CCNG2: variants seen among roughly 807,000 people sequenced by gnomAD.
CCNG2 encodes cyclin G2, also known as cyclin-G2.
A neutral mutation model predicts 36.5 loss-of-function variants in CCNG2; 20 were observed. The ratio of observed to expected loss-of-function variants is 0.55; its 90% CI spans 0.39 to 0.80. The LOEUF (loss-of-function observed/expected upper bound fraction) is 0.80. Among genes scored for constraint, CCNG2 ranks in the 30% least tolerant of loss-of-function variants. The pLI is 0.00. For missense variants in CCNG2, 358 were observed against 390.8 expected, an observed-to-expected ratio of 0.92 and a Z score of 0.71; for synonymous variants, 155 against 140.1, an observed-to-expected ratio of 1.11 and a Z score of -0.75.
At chr4:77,159,273 T>C in intron 2 of CCNG2, 94 bp from the exon 3 acceptor site, 1 of 1,210,318 alleles carries the variant, frequency 8.3e-7, no homozygotes. Context: ...AACCTTATTC[T>C]TGGGAAAAAA....
In CCNG2 at chr4:77,158,598, C is replaced by T. The variant is rs1227309549; in HGVS notation, c.66C>T (p.Asn22=). The T allele has an allele frequency of 1.9e-6, 3 of 1,613,978 alleles. No homozygotes were observed. Among genetic ancestry groups the T allele is most frequent in the African/African-American group, 2.7e-5 (2 of 74,888 alleles). The stretch of plus-strand genomic sequence containing the variant: ...GGGTCCAACTTCTCGGGTTGTTGAA[C>T]GTCTACCTGGAACAAGAAGAGAGAT... ...HEGVQLLGLL[N]VYLEQEERFQ... Residue 22 remains asparagine, a synonymous_variant, in exon 2 of 8, where the codon AAC becomes AAT. Transcript: ENST00000316355.
Position 77,161,522 on chromosome 4 carries a change from A to C in CCNG2, c.570A>C (p.Lys190Asn), listed in dbSNP as rs1731436427. ...TTGATAAACTAGAAGCTCAGCTGAA[A>C]GCTTGCAACTGCCGACTCATCTTTT... ...LSLDKLEAQL[K>N]ACNCRLIFSK... Residue 190 changes from lysine (K) to asparagine (N), a missense_variant, in exon 5 of 8, where the codon AAA becomes AAC. Physicochemically the swap from Lys to Asn is moderately conservative, Grantham distance 94 (BLOSUM62 0). Coordinates refer to ENST00000316355, the MANE Select transcript of CCNG2 (RefSeq NM_004354.3). 1.2e-6 allele frequency: 2 copies of C among 1,612,346 alleles called. No homozygotes were observed. The highest frequency in any genetic ancestry group is 2.2e-5 in the South Asian group (2 of 90,662).
chr4:77,169,888 AATAG>A lies in CCNG2; in HGVS notation c.*3968_*3971del, dbSNP rs1180838395. 2.0e-5 allele frequency: 3 copies of A among 152,234 alleles called. No homozygotes were observed. The highest frequency in any genetic ancestry group is 2.1e-4 in the South Asian group (1 of 4,836). 9.4% of individuals were successfully genotyped at this position (152,234 alleles called of 1,614,324 possible). Reference sequence around the variant, plus strand: ...TTTTGGGGGAGGGTTGTTAAACAGTAATAGATAAGTGAGACAGATTGCTTGTTAT... The same window carrying A: ...TTTTGGGGGAGGGTTGTTAAACAGTAATAAGTGAGACAGATTGCTTGTTAT... On this transcript the variant is annotated 3_prime_UTR_variant, in exon 8 of 8. Transcript: ENST00000316355.
At position 77,169,703 on chromosome 4, in the gene CCNG2, T is replaced by C. The variant is rs1009079788; in HGVS notation, c.*3779T>C. The C allele has an allele frequency of 6.6e-5, 10 of 152,238 alleles. No individual in the cohort carries two copies. The highest frequency in any genetic ancestry group is 2.4e-4 in the African/African-American group (10 of 41,466). 9.4% of individuals were successfully genotyped at this position (152,238 alleles called of 1,614,324 possible). On this transcript the variant is annotated 3_prime_UTR_variant, in exon 8 of 8. Coordinates refer to ENST00000316355, the MANE Select transcript of CCNG2 (RefSeq NM_004354.3). ...TGAGAGGCCATGTGGAGAGAGACTC[T>C]TGAGGATGAGAGATTATCTTGGATG...
chr4:77,161,646 C>G lies in CCNG2; in HGVS notation c.607-3C>G. On this transcript the variant is annotated splice_polypyrimidine_tract_variant and splice_region_variant and intron_variant, in intron 5 of 7. Coordinates refer to ENST00000316355, the MANE Select transcript of CCNG2 (RefSeq NM_004354.3). ...TTTTTCTTTTTTTTCTTTTTTCTTACAGCCATCTGTATTAGCCTTGTGCCT... is the reference window on the plus strand; with the variant it reads ...TTTTTCTTTTTTTTCTTTTTTCTTAGAGCCATCTGTATTAGCCTTGTGCCT... The G allele has an allele frequency of 6.3e-7, 1 of 1,579,856 alleles. No individual in the cohort carries two copies. Among genetic ancestry groups the G allele is most frequent in the Non-Finnish European group, 8.6e-7 (1 of 1,165,166 alleles).
chr4:77,165,874 A>G lies in CCNG2; in HGVS notation c.985A>G (p.Thr329Ala), dbSNP rs1394851206. The G allele has an allele frequency of 6.2e-7, 1 of 1,611,790 alleles. No individual in the cohort carries two copies. The highest frequency in any genetic ancestry group is 1.3e-5 in the African/African-American group (1 of 74,816). ...CTCTCCTCCCAGTGATCAAGAGTGC[A>G]CCTTCTTTTTCAACTTCAAAGTGGC... ...SSSPPSDQEC[T>A]FFFNFKVAQT... Residue 329 changes from threonine (T) to alanine (A), a missense_variant, in exon 8 of 8, where the codon ACC becomes GCC. Transcript: ENST00000316355.
In CCNG2 at chr4:77,160,554, C is replaced by T. The variant is rs551853550; in HGVS notation, c.277-167C>T. Among the ~76,000 whole-genome samples the T allele has an allele frequency of 1.5e-3, 207 of 142,478 alleles. 6 individuals carry two copies. The highest frequency in any genetic ancestry group is 5.5e-3 in the African/African-American group (199 of 36,456). The allele number at this position is 142,478 out of a possible 152,430, so 93.5% of individuals were successfully genotyped here. On this transcript the variant is annotated intron_variant, in intron 3 of 7. Transcript: ENST00000316355. ...TTTGGGGGGGGGGGGAGGTCGAGAA[C>T]GTCTAAAATGTGAAAATGTGTATAA...
intron 6 of CCNG2, among the ~76,000 whole-genome samples, chr4:77,163,212 G>T (rs1332576104): frequency 1.3e-5 from 2 of 152,112 alleles, no homozygotes; most frequent in East Asian, 3.9e-4. Flanking sequence ...TTGAAGCTCT[G>T]GGGTTTTCAG....
intron 3 of CCNG2, among the ~76,000 whole-genome samples, chr4:77,159,796 A>G (rs1019743517): frequency 6.6e-6 from 1 of 152,252 alleles, no homozygotes; most frequent in African/African-American, 2.4e-5. Context: ...ATAGTCCTCA[A>G]TATAAGATTT....
At chr4:77,158,340 C>A (rs923939282) in intron 1 of CCNG2, 193 bp from the exon 2 acceptor site, 3 of 579,302 alleles carry the variant, frequency 5.2e-6, no homozygotes, top group Non-Finnish European at 9.1e-6. Flanking sequence ...ACGGCTCCTC[C>A]CCCTGCCACA....
At chr4:77,161,418 AT>A in intron 4 of CCNG2, 61 bp from the exon 5 acceptor site, 1 of 1,125,596 alleles carries the variant, frequency 8.9e-7, no homozygotes, top group South Asian at 1.5e-5. Flanking sequence ...AATATTTAAA[AT>A]CATTTAAAAT....
intron 4 of CCNG2, 89 bp from the exon 5 acceptor site, chr4:77,161,391 C>T (rs542632064): frequency 2.0e-4 from 206 of 1,010,436 alleles, no homozygotes; most frequent in Non-Finnish European, 2.8e-4. Flanking sequence ...CGTGAGACAC[C>T]GCGTCTGGCC....
chr4:77,158,117 C>T (rs1043729812), intron 1 of CCNG2, among the ~76,000 whole-genome samples: 3 of 152,120 alleles, frequency 2.0e-5, no homozygotes, highest in Non-Finnish European at 2.9e-5. Context: ...GAGACTCTCC[C>T]TCCCCTCCCC....
In CCNG2 at chr4:77,167,510, G is replaced by T. The variant is rs964997027; in HGVS notation, c.*1586G>T. On this transcript the variant is annotated 3_prime_UTR_variant, in exon 8 of 8. Coordinates refer to ENST00000316355, the MANE Select transcript of CCNG2 (RefSeq NM_004354.3). ...TAAGTAGAACAGAATGCTCAGGTTG[G>T]CAGATTAGAACGATCTTTCAGGAGA... The T allele has an allele frequency of 6.6e-6, 1 of 152,178 alleles. No individual in the cohort carries two copies. The highest frequency in any genetic ancestry group is 1.5e-5 in the Non-Finnish European group (1 of 68,036). 9.4% of individuals were successfully genotyped at this position (152,178 alleles called of 1,614,324 possible).
chr4:77,162,002 A>G (rs1731451951), intron 6 of CCNG2, among the ~76,000 whole-genome samples: 4 of 152,212 alleles, frequency 2.6e-5, no homozygotes, highest in African/African-American at 9.7e-5. Flanking sequence ...GCCATATGAT[A>G]GTACAGCTGT....
Position 77,164,173 on chromosome 4 carries a change from G to A in CCNG2, c.706-101G>A, listed in dbSNP as rs932345882. On this transcript the variant is annotated intron_variant, in intron 6 of 7. Coordinates refer to ENST00000316355, the MANE Select transcript of CCNG2 (RefSeq NM_004354.3). ...GGTGGAAGCGGGTAGTGGGAGCCAG[G>A]CATCTATATATATATATTTTTCATA... 1.1e-5 allele frequency: 8 copies of A among 758,982 alleles called. No homozygotes were observed. The African/African-American group carries it at 1.4e-4, about 13-fold the overall frequency. The allele number at this position is 758,982 out of a possible 1,614,324, so 47.0% of individuals were successfully genotyped here.
chr4:77,162,173 C>T (rs1731456496), intron 6 of CCNG2, among the ~76,000 whole-genome samples: 1 of 152,092 alleles, frequency 6.6e-6, no homozygotes, highest in African/African-American at 2.4e-5. Context: ...GTTTTAAACC[C>T]GAATGTCTTT....
chr4:77,161,885 A>G, intron 6 of CCNG2, 138 bp downstream of exon 6: 1 of 611,258 alleles, frequency 1.6e-6, no homozygotes, highest in Non-Finnish European at 2.8e-6. Context: ...TCTAGTGTTA[A>G]AGTTCTCAAA....
intron 5 of CCNG2, 35 bp downstream of exon 5, chr4:77,161,593 A>G (rs771686085): frequency 1.9e-6 from 3 of 1,575,422 alleles, no homozygotes; most frequent in Admixed American, 1.9e-5. Context: ...TATATCTCAC[A>G]GTTTGTATTT....
Sources: allele counts gnomAD v4.1 joint callset (sites outside exome capture counted in the v4.1 genomes callset), GRCh38; gene constraint gnomAD v4.1.1; transcripts MANE v1.5; gene names NCBI Gene and HGNC (gene_info 2026-07-23, HGNC 2026-07-21).